The following NRIP3 variants were observed in gnomAD, a reference collection of about 807,000 sequenced individuals.
The protein encoded by NRIP3 is nuclear receptor-interacting protein 3.
A neutral mutation model predicts 29.0 loss-of-function variants in NRIP3; 31 were observed. That is an observed-to-expected ratio of 1.07 (90% CI 0.80 to 1.44). NRIP3 has a LOEUF of 1.44. NRIP3 is among the 40% of genes most tolerant of loss of function. The probability of loss-of-function intolerance (pLI) is 0.00; values close to 1 mark genes in which losing one functional copy is unlikely to be tolerated. For missense variants in NRIP3, 314 were observed against 297.9 expected (o/e 1.05, Z -0.40); for synonymous variants, 131 against 118.3 (o/e 1.11, Z -0.70).
intron 6 of NRIP3, 126 bp from the exon 7 acceptor site, chr11:8,983,686 T>C: frequency 2.1e-6 from 2 of 947,620 alleles, no homozygotes; most frequent in Non-Finnish European, 3.3e-6. Context: ...TCACCATTGC[T>C]CATTCTGATG....
intron 1 of NRIP3, among the ~76,000 whole-genome samples, chr11:9,002,269 G>A (rs562801053): frequency 6.6e-6 from 1 of 152,216 alleles, no homozygotes; most frequent in Non-Finnish European, 1.5e-5. Context: ...TGGCCTGAAG[G>A]AAAGAATACT....
intron 1 of NRIP3, among the ~76,000 whole-genome samples, chr11:9,002,685 C>A (rs1854830474): frequency 6.7e-6 from 1 of 148,364 alleles, no homozygotes; most frequent in Non-Finnish European, 1.5e-5. Context: ...CTAGGGCCGA[C>A]AACCACATCC....
intron 1 of NRIP3, among the ~76,000 whole-genome samples, chr11:9,001,253 G>A (rs1256533645): frequency 6.6e-6 from 1 of 152,142 alleles, no homozygotes; most frequent in Non-Finnish European, 1.5e-5. Flanking sequence ...CACTTTCCTG[G>A]GGCCAAGAGA....
chr11:8,997,639 C>T (rs545873568), intron 1 of NRIP3, among the ~76,000 whole-genome samples: 4 of 59,652 alleles, frequency 6.7e-5, no homozygotes, highest in Admixed American at 6.0e-4. Flanking sequence ...AGGAAATGAA[C>T]ACTATGGGAA....
intron 1 of NRIP3, among the ~76,000 whole-genome samples, chr11:8,991,249 C>T (rs4910290): frequency 0.09 from 13,619 of 152,088 alleles, 883 homozygotes; most frequent in East Asian, 0.31. Flanking sequence ...TGCATTGAGC[C>T]GAGATCGCGC....
Position 8,987,574 on chromosome 11 carries a change from G to C in NRIP3, c.396C>G (p.Ile132Met), listed in dbSNP as rs570678937. The C allele has an allele frequency of 6.2e-7, 1 of 1,614,010 alleles. No homozygotes were observed. Among genetic ancestry groups the C allele is most frequent in the Non-Finnish European group, 8.5e-7 (1 of 1,179,876 alleles). ...LVDTGCLYNL[I>M]SLACVDRLGL... is the part of the protein sequence containing the mutation. ...CCAATCTGTCCACACAGGCCAAAGAGATGAGATTATATAGGCAGCCTGTGT... is the reference window on the plus strand; with the variant it reads ...CCAATCTGTCCACACAGGCCAAAGACATGAGATTATATAGGCAGCCTGTGT... Residue 132 changes from isoleucine to methionine, a missense_variant, in exon 3 of 7, where the codon ATC becomes ATG. Ile to Met is a conservative substitution (Grantham distance 10, BLOSUM62 1). Transcript: ENST00000309166.
intron 4 of NRIP3, among the ~76,000 whole-genome samples, chr11:8,984,766 A>C (rs1243031193): frequency 6.6e-6 from 1 of 151,792 alleles, no homozygotes; most frequent in East Asian, 1.9e-4. Flanking sequence ...AGGAGTAAGT[A>C]AGTTGCTCTC....
chr11:8,986,316 T>C (rs1854522526), intron 3 of NRIP3, among the ~76,000 whole-genome samples: 1 of 152,244 alleles, frequency 6.6e-6, no homozygotes, highest in Non-Finnish European at 1.5e-5. Flanking sequence ...TCTTAGACTA[T>C]AATGTTAATG....
rs1325146295 is a variant in NRIP3, at chr11:8,998,816, CAG to C, written c.174+4944_174+4945del. 6.3e-5 allele frequency among the ~76,000 whole-genome samples: 6 copies of C among 95,634 alleles called. No individual in the cohort carries two copies. The East Asian group carries it at 2.0e-3, about 31-fold the overall frequency. 62.7% of individuals were successfully genotyped at this position (95,634 alleles called of 152,430 possible). A position where few individuals can be genotyped will look rare whatever the true frequency, so the allele number is the denominator to read the frequency against. ...TTTTTTTTTTTTTTTTTTTTTGAGA[CAG>C]AGTCTCGCTCTGTCGTCCAGGCTGG... On this transcript the variant is annotated intron_variant, in intron 1 of 6. Coordinates refer to ENST00000309166, the MANE Select transcript of NRIP3 (RefSeq NM_020645.3).
At position 8,983,903 on chromosome 11, in the gene NRIP3, CAAA is replaced by C. The variant is rs751087620; in HGVS notation, c.679_681del (p.Phe227del). On this transcript the variant is annotated inframe_deletion, in exon 6 of 7. Transcript: ENST00000309166. Reference sequence around the variant, plus strand: ...TCTTCATTCAAAGAGACTGTCTCCACAAAAGGGATTTCTTCCTTGTCTGTCTTC... The same window carrying C: ...TCTTCATTCAAAGAGACTGTCTCCACAGGGATTTCTTCCTTGTCTGTCTTC... 7 of 1,614,170 alleles carry C rather than the reference CAAA, an allele frequency of 4.3e-6. No individual in the cohort carries two copies. Among genetic ancestry groups the C allele is most frequent in the Non-Finnish European group, 5.9e-6 (7 of 1,180,018 alleles).
intron 1 of NRIP3, among the ~76,000 whole-genome samples, chr11:9,000,949 ATC>A (rs1854783382): frequency 6.6e-6 from 1 of 152,068 alleles, no homozygotes; most frequent in Non-Finnish European, 1.5e-5. Flanking sequence ...TGCACCTGTA[ATC>A]CTAGCTACTC....
chr11:8,983,615 G>T, intron 6 of NRIP3, 55 bp from the exon 7 acceptor site: 1 of 1,566,562 alleles, frequency 6.4e-7, no homozygotes, highest in Non-Finnish European at 8.8e-7. Flanking sequence ...AAAAAGTTAA[G>T]CTGAAGGCAA....
chr11:8,990,514 G>A (rs1179276539), intron 1 of NRIP3, among the ~76,000 whole-genome samples: 1 of 152,148 alleles, frequency 6.6e-6, no homozygotes, highest in African/African-American at 2.4e-5. Flanking sequence ...GGCCAGGCAC[G>A]GTGGCTCACA....
At chr11:8,995,243 A>G (rs2134922980) in intron 1 of NRIP3, among the ~76,000 whole-genome samples, 1 of 152,158 alleles carries the variant, frequency 6.6e-6, no homozygotes, top group South Asian at 2.1e-4. Context: ...TCCCAATCTC[A>G]TCTTTTTAAT....
At chr11:8,985,873 A>T (rs146712811) in intron 3 of NRIP3, 23 bp from the exon 4 acceptor site, 226 of 1,612,562 alleles carry the variant, frequency 1.4e-4, no homozygotes, top group Non-Finnish European at 1.8e-4. Flanking sequence ...GGAAGATACC[A>T]AAATCCCCTT....
intron 1 of NRIP3, among the ~76,000 whole-genome samples, chr11:8,991,113 A>T (rs1422150139): frequency 6.6e-6 from 1 of 152,154 alleles, no homozygotes; most frequent in Non-Finnish European, 1.5e-5. Context: ...CATTCTGGCT[A>T]ACACAGTGAA....
intron 4 of NRIP3, 63 bp from the exon 5 acceptor site, chr11:8,984,187 A>G: frequency 1.9e-6 from 2 of 1,047,484 alleles, no homozygotes; most frequent in East Asian, 4.7e-5. Context: ...AAGTTGGCCT[A>G]ATCACTATTA....
At position 8,983,051 on chromosome 11, in the gene NRIP3, A is replaced by G; in HGVS notation, c.*494T>C. ...GGATAATGTCCCTGGGCTCTTTCAC[A>G]TAATCCATACTTGAGAAATCAATGA... On this transcript the variant is annotated 3_prime_UTR_variant, in exon 7 of 7. Coordinates refer to ENST00000309166, the MANE Select transcript of NRIP3 (RefSeq NM_020645.3). The G allele has an allele frequency of 6.6e-6, 3 of 454,004 alleles. No individual in the cohort carries two copies. The highest frequency in any genetic ancestry group is 1.6e-5 in the South Asian group (1 of 63,550). The allele number at this position is 454,004 out of a possible 1,614,324, so 28.1% of individuals were successfully genotyped here.
At chr11:8,994,231 C>T (rs769556274) in intron 1 of NRIP3, among the ~76,000 whole-genome samples, 21 of 152,208 alleles carry the variant, frequency 1.4e-4, no homozygotes, top group Non-Finnish European at 2.4e-4. Flanking sequence ...GGAGGGACTA[C>T]ACTAACACCA....
Sources: gnomAD v4.1 joint callset for allele counts (sites outside exome capture counted in the v4.1 genomes callset) on GRCh38, gnomAD v4.1.1 for gene constraint, MANE v1.5 for transcripts, NCBI Gene and HGNC (gene_info 2026-07-23, HGNC 2026-07-21) for gene names.